The following ARHGAP15 variants were observed in gnomAD, a reference collection of about 807,000 sequenced individuals.
The protein encoded by ARHGAP15 is Rho GTPase activating protein 15.
ARHGAP15 carries 51 observed loss-of-function variants against 63.7 expected under a neutral mutation model. The ratio of observed to expected loss-of-function variants is 0.80; its 90% CI spans 0.64 to 1.01. The LOEUF (loss-of-function observed/expected upper bound fraction) is 1.01, where lower values mean the gene tolerates loss of function less well. Ranked by LOEUF, ARHGAP15 falls within the 50% of genes least tolerant of loss-of-function variation. ARHGAP15 has a pLI of 0.00. For synonymous variants in ARHGAP15, 191 were observed against 193.8 expected, an observed-to-expected ratio of 0.99 and a Z score of 0.12; for missense variants, 560 against 564.6, an observed-to-expected ratio of 0.99 and a Z score of 0.08.
At chr2:143,198,488 T>G (rs1392636984) in intron 2 of ARHGAP15, among the ~76,000 whole-genome samples, 5 of 152,000 alleles carry the variant, frequency 3.3e-5, no homozygotes, top group Non-Finnish European at 7.4e-5. Flanking sequence ...TATTTTAAAA[T>G]AAAATATATT....
intron 12 of ARHGAP15, among the ~76,000 whole-genome samples, chr2:143,629,732 T>C (rs1330135168): frequency 6.6e-6 from 1 of 152,178 alleles, no homozygotes; most frequent in Non-Finnish European, 1.5e-5. Context: ...CTAATAATTG[T>C]CTCATGTAAT....
chr2:143,259,708 C>T (rs1448498597), intron 6 of ARHGAP15, among the ~76,000 whole-genome samples: 2 of 152,080 alleles, frequency 1.3e-5, no homozygotes, highest in Admixed American at 6.6e-5. Context: ...CATCTGATGG[C>T]AGTCCTTTCT....
chr2:143,463,256 T>TA (rs1229604889), intron 8 of ARHGAP15, among the ~76,000 whole-genome samples: 10 of 146,236 alleles, frequency 6.8e-5, no homozygotes, highest in African/African-American at 2.5e-4. Flanking sequence ...ATATATATAT[T>TA]ATAGGCCGGG....
intron 6 of ARHGAP15, among the ~76,000 whole-genome samples, chr2:143,267,679 G>C (rs1050018108): frequency 6.6e-6 from 1 of 152,114 alleles, no homozygotes; most frequent in African/African-American, 2.4e-5. Flanking sequence ...ATCATCAAAT[G>C]AATTGGTATT....
intron 13 of ARHGAP15, among the ~76,000 whole-genome samples, chr2:143,706,153 G>A (rs1468960071): frequency 2.0e-5 from 3 of 152,116 alleles, no homozygotes; most frequent in African/African-American, 2.4e-5. Context: ...AATTATGCAC[G>A]AGTGTGTGCA....
chr2:143,715,119 A>G (rs1684751009), intron 13 of ARHGAP15, among the ~76,000 whole-genome samples: 1 of 152,210 alleles, frequency 6.6e-6, no homozygotes, highest in Non-Finnish European at 1.5e-5. Context: ...ACAGTTCCAC[A>G]TGGCTGGGGA....
chr2:143,508,937 C>T (rs975906310), intron 9 of ARHGAP15, among the ~76,000 whole-genome samples: 2 of 152,098 alleles, frequency 1.3e-5, no homozygotes, highest in African/African-American at 4.8e-5. Flanking sequence ...CTGAAGACGG[C>T]CAGAAGCCTG....
In ARHGAP15 at chr2:143,750,376, G is replaced by A. The variant is rs574859045; in HGVS notation, c.1245-17613G>A. ...GAACTGCTTGAACCAGGGAGGCAGA[G>A]GTTGCAGTGAGCCGGGACAGTGCCA... On this transcript the variant is annotated intron_variant, in intron 13 of 13. Transcript: ENST00000295095. 9.1e-4 allele frequency among the ~76,000 whole-genome samples: 139 copies of A among 152,318 alleles called. No homozygotes were observed. In the Middle Eastern group the frequency reaches 0.02, roughly 22 times the overall value.
chr2:143,762,614 T>C (rs1686799846), intron 13 of ARHGAP15, among the ~76,000 whole-genome samples: 1 of 152,166 alleles, frequency 6.6e-6, no homozygotes, highest in African/African-American at 2.4e-5. Context: ...CATTTCTTCA[T>C]ATACACTCTT....
At chr2:143,199,793 A>G (rs775467557) in intron 2 of ARHGAP15, among the ~76,000 whole-genome samples, 45 of 151,486 alleles carry the variant, frequency 3.0e-4, no homozygotes, top group Admixed American at 5.9e-4. Context: ...CCATCCATCC[A>G]CCTCCCCAAT....
intron 6 of ARHGAP15, among the ~76,000 whole-genome samples, chr2:143,411,074 A>C (rs1487142543): frequency 6.6e-6 from 1 of 152,020 alleles, no homozygotes; most frequent in Non-Finnish European, 1.5e-5. Context: ...GCATGACGGC[A>C]GGCACCTGTG....
intron 6 of ARHGAP15, among the ~76,000 whole-genome samples, chr2:143,348,223 CAT>C (rs1453999608): frequency 6.6e-6 from 1 of 152,164 alleles, no homozygotes; most frequent in Non-Finnish European, 1.5e-5. Flanking sequence ...CAAAATGTCA[CAT>C]GACAATTACT....
chr2:143,492,685 C>T (rs1454769711), intron 9 of ARHGAP15, among the ~76,000 whole-genome samples: 1 of 152,136 alleles, frequency 6.6e-6, no homozygotes, highest in Non-Finnish European at 1.5e-5. Context: ...TTGCTTGAGC[C>T]CAAGAAGTCA....
At chr2:143,223,616 T>C (rs1693085868) in intron 4 of ARHGAP15, among the ~76,000 whole-genome samples, 1 of 152,196 alleles carries the variant, frequency 6.6e-6, no homozygotes. Context: ...GGGCTCGCAG[T>C]TCAGCATTGC....
intron 10 of ARHGAP15, among the ~76,000 whole-genome samples, chr2:143,529,170 TTTTA>T (rs1694415441): frequency 6.6e-6 from 1 of 152,148 alleles, no homozygotes; most frequent in Non-Finnish European, 1.5e-5. Flanking sequence ...GTTCCTCCTA[TTTTA>T]TTTCTTAACT....
At chr2:143,643,433 C>A (rs1390300408) in intron 12 of ARHGAP15, among the ~76,000 whole-genome samples, 2 of 148,056 alleles carry the variant, frequency 1.4e-5, no homozygotes. Flanking sequence ...ACCCACCCCC[C>A]CCCACCAAAA....
At chr2:143,207,417 G>T (rs780888016) in intron 3 of ARHGAP15, among the ~76,000 whole-genome samples, 18 of 151,276 alleles carry the variant, frequency 1.2e-4, no homozygotes, top group Admixed American at 4.0e-4. Flanking sequence ...TCTCTTTTTT[G>T]CTGCATACCC....
chr2:143,342,653 T>G (rs1685109571), intron 6 of ARHGAP15, among the ~76,000 whole-genome samples: 1 of 152,110 alleles, frequency 6.6e-6, no homozygotes, highest in South Asian at 2.1e-4. Context: ...TCTGACAACC[T>G]TTAAGTTTGT....
At chr2:143,460,840 CA>C (rs1690898264) in intron 8 of ARHGAP15, among the ~76,000 whole-genome samples, 1 of 152,116 alleles carries the variant, frequency 6.6e-6, no homozygotes, top group Non-Finnish European at 1.5e-5. Flanking sequence ...GGGCAGCTTC[CA>C]GGGGCAGTTT....
Sources: allele counts gnomAD v4.1 joint callset (sites outside exome capture counted in the v4.1 genomes callset), GRCh38; gene constraint gnomAD v4.1.1; transcripts MANE v1.5; gene names NCBI Gene and HGNC (gene_info 2026-07-23, HGNC 2026-07-21).